The following NMS variants were observed in gnomAD, a reference collection of about 807,000 sequenced individuals.
The protein encoded by NMS is neuromedin-S.
A neutral mutation model predicts 32.2 loss-of-function variants in NMS; 30 were observed. The ratio of observed to expected loss-of-function variants is 0.93; its 90% CI spans 0.70 to 1.26. The LOEUF (loss-of-function observed/expected upper bound fraction) is 1.26. Ranked by LOEUF, NMS falls within the 50% of genes most tolerant of loss-of-function variation. The probability of loss-of-function intolerance (pLI) is 0.00; values close to 1 mark genes in which losing one functional copy is unlikely to be tolerated. For synonymous variants in NMS, 76 were observed against 58.5 expected (o/e 1.30, Z -1.37); for missense variants, 190 against 186.3 (o/e 1.02, Z -0.12).
At chr2:100,480,454 T>A in intron 6 of NMS, 42 bp from the exon 7 acceptor site, 2 of 1,604,798 alleles carry the variant, frequency 1.2e-6, no homozygotes, top group Non-Finnish European at 1.7e-6. Flanking sequence ...AAGGTCATGA[T>A]GTGGTTCCTG....
At chr2:100,477,109 C>A in intron 3 of NMS, 135 bp from the exon 4 acceptor site, 1 of 706,174 alleles carries the variant, frequency 1.4e-6, no homozygotes, top group Non-Finnish European at 2.5e-6. Flanking sequence ...GTAATAATTT[C>A]TTTTTAGATT....
intron 1 of NMS, among the ~76,000 whole-genome samples, chr2:100,471,257 A>G (rs2104329818): frequency 6.6e-6 from 1 of 152,362 alleles, no homozygotes; most frequent in African/African-American, 2.4e-5. Flanking sequence ...GGTTGGAAAC[A>G]CATACCATTT....
intron 5 of NMS, 146 bp from the exon 6 acceptor site, chr2:100,479,207 T>C (rs898043565): frequency 1.9e-6 from 1 of 532,856 alleles, no homozygotes; most frequent in African/African-American, 2.0e-5. Flanking sequence ...AATTTCAGGC[T>C]TTGGCTCAAA....
intron 8 of NMS, among the ~76,000 whole-genome samples, chr2:100,481,868 G>A (rs1021531152): frequency 2.0e-5 from 3 of 152,206 alleles, no homozygotes; most frequent in African/African-American, 7.2e-5. Flanking sequence ...TATGGACCAT[G>A]GAGCTGCTTC....
intron 8 of NMS, among the ~76,000 whole-genome samples, chr2:100,481,493 G>GC (rs1677214717): frequency 6.6e-6 from 1 of 152,148 alleles, no homozygotes; most frequent in East Asian, 1.9e-4. Context: ...AAAACACATG[G>GC]CAGGAGGAGC....
chr2:100,472,222 C>T (rs1255895544), intron 1 of NMS, among the ~76,000 whole-genome samples: 1 of 151,962 alleles, frequency 6.6e-6, no homozygotes, highest in Non-Finnish European at 1.5e-5. Flanking sequence ...TTCGACTGCA[C>T]TATAGCTATC....
intron 9 of NMS, among the ~76,000 whole-genome samples, chr2:100,482,821 C>T (rs978480994): frequency 1.2e-4 from 18 of 152,212 alleles, no homozygotes; most frequent in South Asian, 2.1e-4. Context: ...CCTTGGCCTT[C>T]AGGCCTGTGG....
At position 100,482,030 on chromosome 2, in the gene NMS, G is replaced by T. The variant is rs182926065; in HGVS notation, c.415-247G>T. On this transcript the variant is annotated intron_variant, in intron 8 of 9. Coordinates refer to ENST00000376865, the MANE Select transcript of NMS (RefSeq NM_001011717.1). ...CCCACCACATAAGCAAAGACTAAAGGGGGGGGATGATGGGTGACAGTGTTG... is the reference window on the plus strand; with the variant it reads ...CCCACCACATAAGCAAAGACTAAAGTGGGGGGATGATGGGTGACAGTGTTG... Among the ~76,000 whole-genome samples, 13 of 152,304 alleles carry T rather than the reference G, an allele frequency of 8.5e-5. No individual in the cohort carries two copies. In the South Asian group the frequency reaches 1.7e-3, roughly 19 times the overall value.
chr2:100,481,220 C>A, intron 8 of NMS, 53 bp downstream of exon 8: 1 of 1,546,282 alleles, frequency 6.5e-7, no homozygotes, highest in Non-Finnish European at 8.9e-7. Flanking sequence ...CTGCAGCCAT[C>A]CCAATCATGG....
At position 100,481,156 on chromosome 2, in the gene NMS, T is replaced by C. The variant is rs141244263; in HGVS notation, c.403T>C (p.Phe135Leu). Residue 135 changes from phenylalanine to leucine, a missense_variant, in exon 8 of 10, where the codon TTC becomes CTC. Coordinates refer to ENST00000376865, the MANE Select transcript of NMS (RefSeq NM_001011717.1). ...DHTATWGRPF[F>L]LFRPRNGRNI... ...CACTGCGACCTGGGGACGACCCTTTTTCCTTTTCAGGGTATAGCATGTTTT... is the reference window on the plus strand; with the variant it reads ...CACTGCGACCTGGGGACGACCCTTTCTCCTTTTCAGGGTATAGCATGTTTT... 122 of 1,614,074 alleles carry C rather than the reference T, an allele frequency of 7.6e-5. No homozygotes were observed. Among genetic ancestry groups the C allele is most frequent in the Non-Finnish European group, 3.4e-6 (4 of 1,180,014 alleles).
chr2:100,477,264 A>T lies in NMS; in HGVS notation c.204A>T (p.Lys68Asn). The change falls in exon 4 of 10, where the codon AAA (lysine) becomes AAT (asparagine). Residue 68 changes from lysine (K) to asparagine (N), a missense_variant. Physicochemically the swap from Lys to Asn is moderately conservative, Grantham distance 94. Coordinates refer to ENST00000376865, the MANE Select transcript of NMS (RefSeq NM_001011717.1). ...RQPKDNQDIY[K>N]RFLFHYSRTQ... ...TCCAGGATAATCAAGACATATACAA[A>T]AGGGTGAGTACCACCTAGCCCTGTA... 6.2e-7 allele frequency: 1 copy of T among 1,613,570 alleles called. No individual in the cohort carries two copies. Among genetic ancestry groups the T allele is most frequent in the Non-Finnish European group, 8.5e-7 (1 of 1,179,546 alleles).
intron 6 of NMS, among the ~76,000 whole-genome samples, 153 bp downstream of exon 6, chr2:100,479,580 T>C (rs1677177162): frequency 6.6e-6 from 1 of 152,240 alleles, no homozygotes; most frequent in Non-Finnish European, 1.5e-5. Context: ...CTGCTGGTCC[T>C]TTGACCTCCC....
At chr2:100,479,941 A>C (rs1171147755) in intron 6 of NMS, among the ~76,000 whole-genome samples, 6 of 152,152 alleles carry the variant, frequency 3.9e-5, no homozygotes, top group Admixed American at 6.5e-5. Flanking sequence ...CAAGAGAGAA[A>C]ATTTATTTTG....
intron 5 of NMS, among the ~76,000 whole-genome samples, chr2:100,478,019 G>A (rs372440343): frequency 1.1e-4 from 17 of 151,822 alleles, no homozygotes; most frequent in African/African-American, 3.4e-4. Flanking sequence ...TGGAGTGCAG[G>A]GGCGCCATCT....
chr2:100,473,618 G>T, intron 3 of NMS, 79 bp downstream of exon 3: 5 of 441,520 alleles, frequency 1.1e-5, no homozygotes, highest in South Asian at 6.3e-5. Flanking sequence ...ACCTACAGGA[G>T]AATGCTGTAT....
chr2:100,479,499 T>C, intron 6 of NMS, 72 bp downstream of exon 6: 1 of 1,313,286 alleles, frequency 7.6e-7, no homozygotes, highest in South Asian at 1.3e-5. Flanking sequence ...AAGCATGCTG[T>C]CACCTTGGGG....
chr2:100,478,597 T>C (rs1417533614), intron 5 of NMS, among the ~76,000 whole-genome samples: 1 of 152,108 alleles, frequency 6.6e-6, no homozygotes, highest in African/African-American at 2.4e-5. Context: ...CCCAAGTAGC[T>C]GGGACTACAA....
rs1360610539 is a variant in NMS, at chr2:100,470,533, C to T, written c.45C>T (p.Tyr15=). ...RPQFPLILAI[Y]CFCMLQIPSS... is the part of the protein sequence containing the mutation. ...AGTTCCCTCTCATCTTGGCCATCTA[C>T]TGCTTCTGCATGCTACAGATTCCCT... Residue 15 remains tyrosine (Y), a synonymous_variant, in exon 1 of 10, where the codon TAC becomes TAT. Coordinates refer to ENST00000376865, the MANE Select transcript of NMS (RefSeq NM_001011717.1). 2 of 1,614,026 alleles carry T rather than the reference C, an allele frequency of 1.2e-6. No homozygotes were observed. The highest frequency in any genetic ancestry group is 2.2e-5 in the East Asian group (1 of 44,876).
At chr2:100,481,350 G>A (rs1349907866) in intron 8 of NMS, among the ~76,000 whole-genome samples, 183 bp downstream of exon 8, 1 of 152,148 alleles carries the variant, frequency 6.6e-6, no homozygotes, top group Non-Finnish European at 1.5e-5. Context: ...TCTTGCAAAG[G>A]CAAGAGTCCA....
Sources: allele counts gnomAD v4.1 joint callset (sites outside exome capture counted in the v4.1 genomes callset), GRCh38; gene constraint gnomAD v4.1.1; transcripts MANE v1.5; gene names NCBI Gene and HGNC (gene_info 2026-07-23, HGNC 2026-07-21).